Variants in LRPPRC observed in about 807,000 individuals in gnomAD.
LRPPRC encodes leucine-rich PPR motif-containing protein, mitochondrial.
In LRPPRC, 120 loss-of-function variants were observed where a neutral mutation model predicts 180.3. That is an observed-to-expected ratio of 0.67 (90% CI 0.57 to 0.77). The LOEUF (loss-of-function observed/expected upper bound fraction) is 0.77, where lower values mean the gene tolerates loss of function less well. Among genes scored for constraint, LRPPRC ranks in the 30% least tolerant of loss-of-function variants. The pLI is 0.00. For missense variants in LRPPRC, 2,012 were observed against 1,657.2 expected, an observed-to-expected ratio of 1.21 and a Z score of -3.72; for synonymous variants, 723 against 600.0, an observed-to-expected ratio of 1.21 and a Z score of -3.00.
intron 1 of LRPPRC, among the ~76,000 whole-genome samples, chr2:43,986,821 T>C (rs1172317707): frequency 6.6e-6 from 1 of 152,104 alleles, no homozygotes; most frequent in Non-Finnish European, 1.5e-5. Flanking sequence ...ACCTAGACAG[T>C]GAGAGTGAGA....
At chr2:43,980,271 T>C (rs1022985326) in intron 2 of LRPPRC, among the ~76,000 whole-genome samples, 1 of 152,148 alleles carries the variant, frequency 6.6e-6, no homozygotes, top group African/African-American at 2.4e-5. Flanking sequence ...CAGTATCTTA[T>C]GAAAACAGTA....
intron 30 of LRPPRC, among the ~76,000 whole-genome samples, chr2:43,910,706 C>T (rs1420138976): frequency 6.6e-6 from 1 of 152,146 alleles, no homozygotes; most frequent in Non-Finnish European, 1.5e-5. Flanking sequence ...TGTACATTCT[C>T]AGGCCCCACA....
chr2:43,983,583 G>T (rs1392259848), intron 1 of LRPPRC, among the ~76,000 whole-genome samples: 1 of 152,018 alleles, frequency 6.6e-6, no homozygotes, highest in African/African-American at 2.4e-5. Flanking sequence ...ATTATCAGTG[G>T]TTTACACATT....
chr2:43,902,621 GA>G (rs1670927582), intron 31 of LRPPRC: 1 of 151,516 alleles, frequency 6.6e-6, no homozygotes, highest in Middle Eastern at 3.4e-3. Context: ...TCTCAAATGA[GA>G]AAAAAGAAAA....
chr2:43,895,843 C>G (rs1670660007), intron 35 of LRPPRC, among the ~76,000 whole-genome samples: 1 of 152,054 alleles, frequency 6.6e-6, no homozygotes, highest in African/African-American at 2.4e-5. Context: ...AAAATCCGAT[C>G]TAAGAGAAAT....
chr2:43,993,004 A>G (rs1674855371), intron 1 of LRPPRC, among the ~76,000 whole-genome samples: 1 of 152,224 alleles, frequency 6.6e-6, no homozygotes, highest in Non-Finnish European at 1.5e-5. Context: ...CAAGAACATC[A>G]GCATTTAATA....
chr2:43,953,554 T>C (rs1672987574), intron 14 of LRPPRC, among the ~76,000 whole-genome samples: 1 of 152,194 alleles, frequency 6.6e-6, no homozygotes, highest in African/African-American at 2.4e-5. Flanking sequence ...GTTAAAAAAA[T>C]GACCAATCTG....
chr2:43,977,131 A>C, intron 4 of LRPPRC, 24 bp downstream of exon 4: 5 of 1,611,200 alleles, frequency 3.1e-6, no homozygotes, highest in Non-Finnish European at 4.2e-6. Context: ...ATGTGAAAAT[A>C]TATTCACAAT....
At chr2:43,920,629 T>C (rs192729154) in intron 27 of LRPPRC, among the ~76,000 whole-genome samples, 1 of 152,070 alleles carries the variant, frequency 6.6e-6, no homozygotes, top group East Asian at 1.9e-4. Flanking sequence ...AATGTTATTG[T>C]GTAATATAAA....
chr2:43,941,729 C>G (rs373798645), intron 23 of LRPPRC, among the ~76,000 whole-genome samples: 1 of 150,950 alleles, frequency 6.6e-6, no homozygotes, highest in African/African-American at 2.4e-5. Flanking sequence ...ATAAAATTTC[C>G]TTTATCTTTT....
At chr2:43,958,905 T>G in intron 13 of LRPPRC, 1 of 288,414 alleles carries the variant, frequency 3.5e-6, no homozygotes, top group Non-Finnish European at 6.4e-6. Context: ...GGCAAACTTC[T>G]TGGCATTTTT....
At chr2:43,967,855 T>C (rs565939770) in intron 11 of LRPPRC, among the ~76,000 whole-genome samples, 1 of 152,322 alleles carries the variant, frequency 6.6e-6, no homozygotes, top group African/African-American at 2.4e-5. Context: ...TGGGTATCAC[T>C]ACTAACAACC....
At chr2:43,986,885 ACACAC>A (rs1434341608) in intron 1 of LRPPRC, among the ~76,000 whole-genome samples, 2 of 152,250 alleles carry the variant, frequency 1.3e-5, no homozygotes, top group African/African-American at 4.8e-5. Context: ...GGATTTTATG[ACACAC>A]TTGTAAAGTA....
rs1559082505 is a variant in LRPPRC at position 43,995,847 on chromosome 2, A to G, written c.101T>C (p.Leu34Pro). 1 of 1,470,238 alleles carries G rather than the reference A, an allele frequency of 6.8e-7. No homozygotes were observed. The allele number at this position is 1,470,238 out of a possible 1,614,324, so 91.1% of individuals were successfully genotyped here. ...GGCGGGCAGATAGGAGGCGGCATGC[A>G]GCCGGCCCGGGCCGCCAGGGAGGAG... ...LRLLPGGPGR[L>P]HAASYLPAAR... is the part of the protein sequence containing the mutation. Residue 34 changes from leucine (L) to proline (P), a missense_variant, in exon 1 of 38, where the codon CTG becomes CCG. Transcript: ENST00000260665.
At chr2:43,926,026 C>G in intron 25 of LRPPRC, 65 bp from the exon 26 acceptor site, 7 of 948,816 alleles carry the variant, frequency 7.4e-6, no homozygotes, top group Non-Finnish European at 1.2e-5. Context: ...TTTTTTTCCT[C>G]AAAGACAGTT....
At chr2:43,943,649 A>C (rs1331432804) in intron 23 of LRPPRC, 38 bp downstream of exon 23, 1 of 1,523,786 alleles carries the variant, frequency 6.6e-7, no homozygotes, top group Admixed American at 1.7e-5. Context: ...TCATTCTTTT[A>C]ATGCCAACAT....
intron 27 of LRPPRC, among the ~76,000 whole-genome samples, chr2:43,922,275 G>A (rs1671724901): frequency 6.6e-6 from 1 of 152,182 alleles, no homozygotes; most frequent in African/African-American, 2.4e-5. Flanking sequence ...GACTTACACA[G>A]TTCCATGGGT....
At chr2:43,991,827 G>A (rs1038360720) in intron 1 of LRPPRC, among the ~76,000 whole-genome samples, 1 of 152,182 alleles carries the variant, frequency 6.6e-6, no homozygotes. Context: ...TCCTCAAATA[G>A]GACATTCCTG....
rs1673441731 is a variant in LRPPRC, at chr2:43,963,642, T to A, written c.1434A>T (p.Thr478=). The A allele has an allele frequency of 6.2e-7, 1 of 1,612,826 alleles. No individual in the cohort carries two copies. The highest frequency in any genetic ancestry group is 8.5e-7 in the Non-Finnish European group (1 of 1,178,916). Residue 478 remains threonine, a synonymous_variant, in exon 12 of 38, where the codon ACA becomes ACT. Transcript: ENST00000260665. Reference sequence around the variant, plus strand: ...TATCAAAGCATGGAATCACATAATCTGTATATGTTTCCTGATCAGGATGTA... The same window carrying A: ...TATCAAAGCATGGAATCACATAATCAGTATATGTTTCCTGATCAGGATGTA... The part of the protein sequence containing the change: ...LGVHPDQETY[T]DYVIPCFDSV...
Sources: allele counts gnomAD v4.1 joint callset (sites outside exome capture counted in the v4.1 genomes callset), GRCh38; gene constraint gnomAD v4.1.1; transcripts MANE v1.5; gene names NCBI Gene and HGNC (gene_info 2026-07-23, HGNC 2026-07-21).